Variants in RABGAP1L observed in about 807,000 individuals in gnomAD.
RABGAP1L encodes the protein RAB GTPase activating protein 1 like.
In RABGAP1L, 63 loss-of-function variants were observed where a neutral mutation model predicts 137.7. The observed-to-expected ratio is 0.46, with a 90% CI of 0.37 to 0.56. The LOEUF (loss-of-function observed/expected upper bound fraction) is 0.56. Ranked by LOEUF, RABGAP1L falls within the 20% of genes least tolerant of loss-of-function variation. The pLI, the probability that RABGAP1L is intolerant of heterozygous loss-of-function variation, is 0.00. For synonymous variants in RABGAP1L, 431 were observed against 433.7 expected (o/e 0.99, Z 0.08); for missense variants, 1,095 against 1,244.0 (o/e 0.88, Z 1.80).
chr1:174,328,076 G>A (rs1680711646), intron 11 of RABGAP1L, among the ~76,000 whole-genome samples: 1 of 142,862 alleles, frequency 7.0e-6, no homozygotes, highest in Admixed American at 7.2e-5. Flanking sequence ...TAGAGCTAAT[G>A]GAATATATTG....
intron 4 of RABGAP1L, among the ~76,000 whole-genome samples, chr1:174,233,721 A>G (rs1670897344): frequency 7.5e-6 from 1 of 133,408 alleles, no homozygotes; most frequent in South Asian, 2.3e-4. Flanking sequence ...TGCTGCAATA[A>G]ACATACGTGT....
chr1:174,494,259 TC>T (rs1660545985), intron 13 of RABGAP1L, among the ~76,000 whole-genome samples: 2 of 152,182 alleles, frequency 1.3e-5, no homozygotes, highest in African/African-American at 4.8e-5. Context: ...GTTCTGTTTT[TC>T]CCTTGGGACA....
chr1:174,836,595 C>T (rs759061603), intron 19 of RABGAP1L, among the ~76,000 whole-genome samples: 28 of 152,126 alleles, frequency 1.8e-4, no homozygotes, highest in South Asian at 2.1e-4. Flanking sequence ...TTGAGGTAAA[C>T]GCTTTTGAGA....
intron 12 of RABGAP1L, among the ~76,000 whole-genome samples, chr1:174,386,777 G>C (rs1025405035): frequency 1.1e-4 from 16 of 152,114 alleles, no homozygotes; most frequent in African/African-American, 3.9e-4. Context: ...AAAGTGCTGG[G>C]ATTACAGGTG....
intron 11 of RABGAP1L, among the ~76,000 whole-genome samples, chr1:174,359,288 A>C (rs771087708): frequency 3.3e-5 from 5 of 150,848 alleles, no homozygotes; most frequent in Non-Finnish European, 7.4e-5. Flanking sequence ...CCTATCTAGA[A>C]ACTTGTCTTA....
At chr1:174,359,053 T>TAG (rs1683909444) in intron 11 of RABGAP1L, among the ~76,000 whole-genome samples, 1 of 152,366 alleles carries the variant, frequency 6.6e-6, no homozygotes, top group South Asian at 2.1e-4. Flanking sequence ...AGGATTTAGC[T>TAG]AAGCCTCTTT....
At chr1:174,516,209 A>G (rs1367025754) in intron 13 of RABGAP1L, among the ~76,000 whole-genome samples, 3 of 151,500 alleles carry the variant, frequency 2.0e-5, no homozygotes, top group African/African-American at 7.3e-5. Context: ...ACTAGAGTGC[A>G]GAGTGGCACA....
chr1:174,651,173 A>G (rs1342885837), intron 14 of RABGAP1L, among the ~76,000 whole-genome samples: 1 of 151,578 alleles, frequency 6.6e-6, no homozygotes, highest in East Asian at 1.9e-4. Context: ...CCTGAGTTCT[A>G]GTTTGATTGC....
At chr1:174,923,137 C>T (rs1054445703) in intron 19 of RABGAP1L, among the ~76,000 whole-genome samples, 3 of 139,196 alleles carry the variant, frequency 2.2e-5, no homozygotes, top group African/African-American at 9.2e-5. Context: ...CAGAACAAGA[C>T]CCTATCTCAG....
chr1:174,930,376 G>A (rs781700630), intron 19 of RABGAP1L, among the ~76,000 whole-genome samples: 3 of 151,432 alleles, frequency 2.0e-5, no homozygotes, highest in Non-Finnish European at 2.9e-5. Context: ...ACCCAGGCTG[G>A]AGTACAGTGT....
At chr1:174,177,815 T>C (rs1322327308) in intron 1 of RABGAP1L, among the ~76,000 whole-genome samples, 1 of 152,122 alleles carries the variant, frequency 6.6e-6, no homozygotes, top group African/African-American at 2.4e-5. Flanking sequence ...ATTTCCGAGG[T>C]CTCTATTCTG....
At chr1:174,875,697 G>A in intron 19 of RABGAP1L, 6 of 985,224 alleles carry the variant, frequency 6.1e-6, no homozygotes, top group Non-Finnish European at 7.2e-6. Context: ...CTTCTGAAAA[G>A]ATAAGGAGTT....
chr1:174,393,084 G>C (rs1288236948), intron 12 of RABGAP1L, among the ~76,000 whole-genome samples: 1 of 152,166 alleles, frequency 6.6e-6, no homozygotes, highest in African/African-American at 2.4e-5. Context: ...ACTATGTTGT[G>C]ATCATTGATT....
chr1:174,170,403 C>T (rs562292544), intron 1 of RABGAP1L, among the ~76,000 whole-genome samples: 9 of 152,026 alleles, frequency 5.9e-5, no homozygotes, highest in Non-Finnish European at 1.2e-4. Context: ...CATAGCCAGG[C>T]GCCGTGGCTC....
intron 11 of RABGAP1L, among the ~76,000 whole-genome samples, chr1:174,331,845 G>A (rs954253314): frequency 2.1e-5 from 2 of 93,758 alleles, no homozygotes; most frequent in Admixed American, 1.4e-4. Flanking sequence ...CCCCACAACC[G>A]TCCCTGGTGT....
intron 24 of RABGAP1L, among the ~76,000 whole-genome samples, chr1:174,984,622 A>G (rs1034074078): frequency 6.6e-6 from 1 of 152,132 alleles, no homozygotes; most frequent in African/African-American, 2.4e-5. Flanking sequence ...CACACCTGTA[A>G]TCTCAGCTAC....
intron 13 of RABGAP1L, chr1:174,545,494 C>G (rs896429088): frequency 1.3e-5 from 2 of 152,350 alleles, no homozygotes; most frequent in Non-Finnish European, 2.9e-5. Flanking sequence ...TTTCCAGGTA[C>G]TATCTGTCAT....
At chr1:174,189,084 C>A (rs184716432) in intron 1 of RABGAP1L, among the ~76,000 whole-genome samples, 4 of 152,268 alleles carry the variant, frequency 2.6e-5, no homozygotes, top group Admixed American at 2.0e-4. Flanking sequence ...TGGGTCACTG[C>A]AAGCTCCGCC....
At chr1:174,863,649 G>A (rs1271763816) in intron 19 of RABGAP1L, among the ~76,000 whole-genome samples, 20 of 148,872 alleles carry the variant, frequency 1.3e-4, no homozygotes, top group Admixed American at 6.7e-5. Flanking sequence ...CTCCAGTCTG[G>A]GTGACAGAGC....
Sources: gnomAD v4.1 joint callset for allele counts (sites outside exome capture counted in the v4.1 genomes callset) on GRCh38, gnomAD v4.1.1 for gene constraint, MANE v1.5 for transcripts, NCBI Gene and HGNC (gene_info 2026-07-23, HGNC 2026-07-21) for gene names.